Variants in HIVEP3 observed in about 807,000 individuals in gnomAD.
HIVEP3 encodes the protein transcription factor HIVEP3.
A neutral mutation model predicts 152.8 loss-of-function variants in HIVEP3; 49 were observed. That is an observed-to-expected ratio of 0.32 (90% CI 0.26 to 0.41). The LOEUF is 0.41. HIVEP3 is among the 10% of genes least tolerant of loss of function. The probability of loss-of-function intolerance (pLI) is 1.00; values close to 1 mark genes in which losing one functional copy is unlikely to be tolerated. For missense variants in HIVEP3, 2,790 were observed against 3,103.3 expected (o/e 0.90, Z 2.40); for synonymous variants, 1,269 against 1,289.0 (o/e 0.98, Z 0.33).
At chr1:41,548,541 GTT>G (rs11349352) in intron 5 of HIVEP3, among the ~76,000 whole-genome samples, 3 of 148,400 alleles carry the variant, frequency 2.0e-5, no homozygotes, top group African/African-American at 4.9e-5. Flanking sequence ...TTTTGGGTTT[GTT>G]TTTTTTTTTG....
intron 2 of HIVEP3, among the ~76,000 whole-genome samples, chr1:41,661,935 A>G (rs904892602): frequency 6.6e-6 from 1 of 152,182 alleles, no homozygotes; most frequent in Admixed American, 6.5e-5. Flanking sequence ...AGGCCACCGC[A>G]GGCTGCGAAG....
intron 1 of HIVEP3, among the ~76,000 whole-genome samples, chr1:41,744,078 C>T (rs898586257): frequency 6.6e-6 from 1 of 151,670 alleles, no homozygotes; most frequent in African/African-American, 2.4e-5. Flanking sequence ...CTCACTCTGT[C>T]GCCGATGCTG....
chr1:41,971,505 A>G (rs976621487), intron 1 of HIVEP3, among the ~76,000 whole-genome samples: 2 of 152,178 alleles, frequency 1.3e-5, no homozygotes, highest in African/African-American at 4.8e-5. Context: ...TACACACAGA[A>G]GATGATAATA....
At position 41,638,326 on chromosome 1, in the gene HIVEP3, GAA is replaced by G. The variant is rs1180525337; in HGVS notation, c.-720-9381_-720-9380del. Among the ~76,000 whole-genome samples, 31 of 41,120 alleles carry G rather than the reference GAA, an allele frequency of 7.5e-4. 1 individual carries two copies. The highest frequency in any genetic ancestry group is 2.4e-3 in the African/African-American group (29 of 11,998). 27.0% of individuals were successfully genotyped at this position (41,120 alleles called of 152,430 possible). ...GAGAAAGAAAGGAAAAGGAAAGAAA[GAA>G]AGAAAGGGAGAGAGAGAGAAAGAAA... On this transcript the variant is annotated intron_variant, in intron 2 of 8. Transcript: ENST00000372583.
upstream of HIVEP3, among the ~76,000 whole-genome samples, chr1:41,919,539 C>A (rs1290219262): frequency 6.6e-6 from 1 of 152,214 alleles, no homozygotes; most frequent in Admixed American, 6.5e-5. Context: ...TTCTTTCAAC[C>A]AGAATCAGGA....
At chr1:41,762,485 A>T (rs1235656668) in intron 1 of HIVEP3, among the ~76,000 whole-genome samples, 1 of 152,188 alleles carries the variant, frequency 6.6e-6, no homozygotes, top group Non-Finnish European at 1.5e-5. Context: ...GGACTAAAGG[A>T]GCTGTTAGCA....
intron 5 of HIVEP3, among the ~76,000 whole-genome samples, chr1:41,570,535 C>T (rs953860112): frequency 6.6e-6 from 1 of 152,218 alleles, no homozygotes; most frequent in African/African-American, 2.4e-5. Flanking sequence ...TTGTAAGTTT[C>T]CTGAGGTCTC....
chr1:41,873,934 GAAGA>G lies in HIVEP3; in HGVS notation c.-801+44475_-801+44478del, dbSNP rs1644124619. Among the ~76,000 whole-genome samples, 1 of 152,192 alleles carries G rather than the reference GAAGA, an allele frequency of 6.6e-6. No individual in the cohort carries two copies. The highest frequency in any genetic ancestry group is 1.5e-5 in the Non-Finnish European group (1 of 68,036). On this transcript the variant is annotated intron_variant, in intron 1 of 8. Transcript: ENST00000372583. This position sits in a 1 kb window ranked among gnomAD's most constrained non-coding sequence, Gnocchi z 4.2. ...TGTACTTGCTTCATTCTGGGGTCAG[GAAGA>G]AGCTGCAGGCCCTCCTTCCCACCCT...
At chr1:41,520,593 C>A (rs59456846) in intron 6 of HIVEP3, among the ~76,000 whole-genome samples, 5,020 of 152,274 alleles carry the variant, frequency 0.033, 265 homozygotes, top group African/African-American at 0.11. Flanking sequence ...GCCCACCCTA[C>A]CCTGACTACC....
At chr1:41,940,366 C>T (rs1040391791) in intron 1 of HIVEP3, among the ~76,000 whole-genome samples, 13 of 152,186 alleles carry the variant, frequency 8.5e-5, no homozygotes, top group African/African-American at 2.9e-4. Context: ...AACACTGTGC[C>T]AGGCATTTTT....
At chr1:41,895,166 G>T (rs942132670) in intron 1 of HIVEP3, among the ~76,000 whole-genome samples, 2 of 152,200 alleles carry the variant, frequency 1.3e-5, no homozygotes, top group African/African-American at 4.8e-5. Context: ...GAGAGGTGCA[G>T]CTGCTGAAGA....
Position 41,584,863 on chromosome 1 carries a change from C to A in HIVEP3, c.-66G>T. The A allele has an allele frequency of 7.3e-7, 1 of 1,378,784 alleles. No homozygotes were observed. The highest frequency in any genetic ancestry group is 9.6e-7 in the Non-Finnish European group (1 of 1,040,868). 85.4% of individuals were successfully genotyped at this position (1,378,784 alleles called of 1,614,324 possible). Reference sequence around the variant, plus strand: ...GGGCGGGCTGCATTTATGAATAATCCCAGTGTCCCAAGGAGGTGTCCAGCT... The same window carrying A: ...GGGCGGGCTGCATTTATGAATAATCACAGTGTCCCAAGGAGGTGTCCAGCT... On this transcript the variant is annotated 5_prime_UTR_variant, in exon 4 of 9. Coordinates refer to ENST00000372583, the MANE Select transcript of HIVEP3 (RefSeq NM_024503.5). This position sits in a 1 kb window ranked among gnomAD's most constrained non-coding sequence, Gnocchi z 5.2.
intron 1 of HIVEP3, among the ~76,000 whole-genome samples, chr1:41,958,658 G>C (rs1368679181): frequency 6.6e-6 from 1 of 152,168 alleles, no homozygotes; most frequent in Non-Finnish European, 1.5e-5. Context: ...GCCCATTCCT[G>C]GATGACAGAA....
chr1:41,862,076 T>C (rs1352840978), intron 1 of HIVEP3, among the ~76,000 whole-genome samples: 1 of 152,084 alleles, frequency 6.6e-6, no homozygotes, highest in Non-Finnish European at 1.5e-5. Context: ...TCGTCAGACA[T>C]AAAGACACAG....
chr1:42,010,470 C>A (rs1645486757), intron 1 of HIVEP3, among the ~76,000 whole-genome samples: 1 of 152,074 alleles, frequency 6.6e-6, no homozygotes, highest in African/African-American at 2.4e-5. Context: ...CTGACTCTAG[C>A]CTTTGTGTGC....
intron 1 of HIVEP3, among the ~76,000 whole-genome samples, chr1:41,718,986 C>G (rs1412062544): frequency 6.6e-6 from 1 of 152,142 alleles, no homozygotes; most frequent in African/African-American, 2.4e-5. Flanking sequence ...CTAGGACCCA[C>G]CAGGAGGTTA....
intron 1 of HIVEP3, among the ~76,000 whole-genome samples, chr1:41,714,897 G>A (rs1051374329): frequency 6.6e-6 from 1 of 152,152 alleles, no homozygotes; most frequent in East Asian, 1.9e-4. Context: ...TTTAAAAGGA[G>A]TTTTCTGGGG....
rs181010961 is a variant in HIVEP3, at chr1:41,513,635, G to A, written c.5586C>T (p.Asp1862=). The A allele has an allele frequency of 8.1e-6, 13 of 1,613,884 alleles. No individual in the cohort carries two copies. The highest frequency in any genetic ancestry group is 4.0e-5 in the African/African-American group (3 of 75,032). The stretch of plus-strand genomic sequence containing the variant: ...GGCTCTCCTCCTCATCCTCATCCTC[G>A]TCTTCGTCCAGGTCTGAGTCTGAGT... ...DSDSDSDLDE[D]EDEDEEESQD... The change falls in exon 8 of 9, where the codon GAC becomes GAT. Residue 1862 remains aspartate, a synonymous_variant. Coordinates refer to ENST00000372583, the MANE Select transcript of HIVEP3 (RefSeq NM_024503.5).
At chr1:41,802,008 G>C (rs1028740651) in intron 1 of HIVEP3, among the ~76,000 whole-genome samples, 1 of 152,202 alleles carries the variant, frequency 6.6e-6, no homozygotes, top group Non-Finnish European at 1.5e-5. Flanking sequence ...CTCTGGGAGA[G>C]AAGCAAGGTG....
Sources: allele counts gnomAD v4.1 joint callset (sites outside exome capture counted in the v4.1 genomes callset), GRCh38; gene constraint gnomAD v4.1.1; non-coding constraint Gnocchi (gnomAD v3.1); transcripts MANE v1.5; gene names NCBI Gene and HGNC (gene_info 2026-07-23, HGNC 2026-07-21).